EYS: variants seen among roughly 807,000 people sequenced by gnomAD.
EYS encodes the protein protein eyes shut homolog.
EYS carries 250 observed loss-of-function variants against 282.1 expected under a neutral mutation model. That is an observed-to-expected ratio of 0.89 (90% CI 0.80 to 0.98). EYS has a LOEUF of 0.98. Among genes scored for constraint, EYS ranks in the 50% least tolerant of loss-of-function variants. The pLI is 0.00. For synonymous variants in EYS, 1,355 were observed against 1,282.9 expected (o/e 1.06, Z -1.20); for missense variants, 4,016 against 3,709.0 (o/e 1.08, Z -2.15).
intron 35 of EYS, among the ~76,000 whole-genome samples, chr6:63,920,045 A>G (rs1432072585): frequency 1.3e-5 from 2 of 152,144 alleles, no homozygotes; most frequent in African/African-American, 2.4e-5. Context: ...AAGAAAGTCT[A>G]TCTACCTATC....
intron 22 of EYS, among the ~76,000 whole-genome samples, chr6:64,809,992 T>TA (rs976597522): frequency 3.6e-4 from 54 of 151,992 alleles, no homozygotes; most frequent in African/African-American, 1.3e-3. Flanking sequence ...TTGAAATTTT[T>TA]AAAAAAGGAA....
chr6:64,031,283 T>C (rs773761503), intron 33 of EYS, among the ~76,000 whole-genome samples: 5 of 152,164 alleles, frequency 3.3e-5, no homozygotes, highest in Non-Finnish European at 2.9e-5. Flanking sequence ...CCCTGGGCAG[T>C]GAGGGGCTTA....
At chr6:65,529,682 T>C (rs937408102) in intron 2 of EYS, among the ~76,000 whole-genome samples, 1 of 152,182 alleles carries the variant, frequency 6.6e-6, no homozygotes, top group Non-Finnish European at 1.5e-5. Context: ...CATGTTGATA[T>C]CATAATGCCA....
chr6:63,840,986 G>T (rs1444095405), intron 36 of EYS, among the ~76,000 whole-genome samples: 1 of 152,052 alleles, frequency 6.6e-6, no homozygotes, highest in Non-Finnish European at 1.5e-5. Flanking sequence ...TCTCAAGATT[G>T]CCTTGGCTAT....
At chr6:64,653,709 C>A (rs1768645251) in intron 22 of EYS, among the ~76,000 whole-genome samples, 1 of 149,668 alleles carries the variant, frequency 6.7e-6, no homozygotes, top group South Asian at 2.1e-4. Flanking sequence ...AAACCACAGG[C>A]TCATACCACC....
intron 22 of EYS, among the ~76,000 whole-genome samples, chr6:64,700,588 A>C (rs1583056489): frequency 6.6e-6 from 1 of 152,038 alleles, no homozygotes. Context: ...ACAAATGATG[A>C]CAAAGAGATA....
At chr6:65,183,406 T>A (rs1020611564) in intron 12 of EYS, among the ~76,000 whole-genome samples, 39 of 152,048 alleles carry the variant, frequency 2.6e-4, no homozygotes, top group African/African-American at 8.2e-4. Context: ...TTCCTATTTA[T>A]AATTCCAAAT....
intron 35 of EYS, among the ~76,000 whole-genome samples, chr6:63,899,371 G>A (rs1348417558): frequency 6.6e-6 from 1 of 152,040 alleles, no homozygotes; most frequent in African/African-American, 2.4e-5. Context: ...GGCAGGCAGG[G>A]CACCAAATGT....
intron 5 of EYS, among the ~76,000 whole-genome samples, chr6:65,466,365 C>T (rs190172692): frequency 2.0e-5 from 3 of 151,466 alleles, no homozygotes; most frequent in East Asian, 1.9e-4. Flanking sequence ...GCAAATGAGT[C>T]GAAAGAAATA....
intron 5 of EYS, among the ~76,000 whole-genome samples, chr6:65,452,981 G>T (rs1170767274): frequency 2.6e-5 from 4 of 151,952 alleles, no homozygotes; most frequent in Non-Finnish European, 5.9e-5. Flanking sequence ...GCTCCGTAAG[G>T]TTCTCAAAAA....
intron 37 of EYS, among the ~76,000 whole-genome samples, chr6:63,801,019 A>G (rs1582220573): frequency 6.6e-6 from 1 of 152,204 alleles, no homozygotes; most frequent in East Asian, 1.9e-4. Context: ...ATGAAACCAA[A>G]GGAGATTGTG....
rs112388321 is a variant in EYS at position 64,085,340 on chromosome 6, G to GCGCACACA, written c.6425-3339_6425-3338insTGTGTGCG. Reference sequence around the variant, plus strand: ...CGCGCGCGCGTGCGCACGTGCGCGCGCACACACACACACACACACACACAC... The same window carrying GCGCACACA: ...CGCGCGCGCGTGCGCACGTGCGCGCGCGCACACACACACACACACACACACACACACAC... On this transcript the variant is annotated intron_variant, in intron 31 of 42. Transcript: ENST00000503581. Among the ~76,000 whole-genome samples, 267 of 139,884 alleles carry GCGCACACA rather than the reference G, an allele frequency of 1.9e-3. 2 individuals carry two copies. The highest frequency in any genetic ancestry group is 5.8e-3 in the African/African-American group (209 of 35,756). The allele number at this position is 139,884 out of a possible 152,430, so 91.8% of individuals were successfully genotyped here. A position where few individuals can be genotyped will look rare whatever the true frequency, so the allele number is the denominator to read the frequency against.
chr6:64,815,951 T>A (rs1423393792), intron 21 of EYS, among the ~76,000 whole-genome samples: 3 of 152,138 alleles, frequency 2.0e-5, no homozygotes, highest in African/African-American at 7.2e-5. Context: ...CTCAGTTAGT[T>A]GTGTTCTCTC....
intron 31 of EYS, among the ~76,000 whole-genome samples, chr6:64,171,222 C>T (rs1282219936): frequency 6.6e-6 from 1 of 152,098 alleles, no homozygotes; most frequent in Non-Finnish European, 1.5e-5. Context: ...TTACGGTATC[C>T]ATCTATACTC....
chr6:65,558,606 T>C (rs1768910423), intron 2 of EYS, among the ~76,000 whole-genome samples: 1 of 152,216 alleles, frequency 6.6e-6, no homozygotes, highest in African/African-American at 2.4e-5. Context: ...GGCTTCCATG[T>C]AGTAGCTGTT....
intron 36 of EYS, among the ~76,000 whole-genome samples, chr6:63,836,105 TG>T (rs941950597): frequency 9.9e-5 from 15 of 152,064 alleles, no homozygotes; most frequent in African/African-American, 3.6e-4. Context: ...GTGGAATTGC[TG>T]GGTCATATGG....
At chr6:63,934,040 C>G (rs1581994644) in intron 35 of EYS, among the ~76,000 whole-genome samples, 1 of 152,118 alleles carries the variant, frequency 6.6e-6, no homozygotes, top group South Asian at 2.1e-4. Context: ...CTACAATGAA[C>G]TCAAACAAAT....
At chr6:65,009,190 T>A (rs2349994) in intron 13 of EYS, among the ~76,000 whole-genome samples, 4,304 of 151,934 alleles carry the variant, frequency 0.028, 202 homozygotes, top group African/African-American at 0.098. Context: ...AACTAAGGGA[T>A]CCCACCTCCT....
chr6:63,810,640 T>G (rs910462178), intron 36 of EYS, among the ~76,000 whole-genome samples: 2 of 152,136 alleles, frequency 1.3e-5, no homozygotes, highest in Non-Finnish European at 2.9e-5. Context: ...AAAATGAGAA[T>G]GTAAGAGCAC....
Sources: gnomAD v4.1 joint callset for allele counts (sites outside exome capture counted in the v4.1 genomes callset) on GRCh38, gnomAD v4.1.1 for gene constraint, MANE v1.5 for transcripts, NCBI Gene and HGNC (gene_info 2026-07-23, HGNC 2026-07-21) for gene names.